The following UNC5D variants were observed in gnomAD, a reference collection of about 807,000 sequenced individuals.
UNC5D encodes netrin receptor UNC5D.
UNC5D carries 39 observed loss-of-function variants against 105.4 expected under a neutral mutation model. The ratio of observed to expected loss-of-function variants is 0.37; its 90% CI spans 0.29 to 0.48. UNC5D has a LOEUF of 0.48. Among genes scored for constraint, UNC5D ranks in the 20% least tolerant of loss-of-function variants. UNC5D has a pLI of 0.98. For missense variants in UNC5D, 991 were observed against 1,202.4 expected, an observed-to-expected ratio of 0.82 and a Z score of 2.60; for synonymous variants, 452 against 450.4, an observed-to-expected ratio of 1.00 and a Z score of -0.04.
intron 8 of UNC5D, among the ~76,000 whole-genome samples, chr8:35,717,845 T>C (rs1321065995): frequency 6.6e-6 from 1 of 152,222 alleles, no homozygotes; most frequent in Non-Finnish European, 1.5e-5. Context: ...CTTCTCTCCT[T>C]ATAACAACAT....
chr8:35,667,686 G>C (rs1824517789), intron 4 of UNC5D, among the ~76,000 whole-genome samples: 1 of 152,174 alleles, frequency 6.6e-6, no homozygotes, highest in Admixed American at 6.6e-5. Flanking sequence ...GTATTAATCT[G>C]TGTCTTTGAA....
At chr8:35,462,202 T>C (rs1287488885) in intron 1 of UNC5D, among the ~76,000 whole-genome samples, 2 of 152,192 alleles carry the variant, frequency 1.3e-5, no homozygotes, top group Non-Finnish European at 2.9e-5. Context: ...TCTAGCAAAT[T>C]TAGCAATCTC....
intron 1 of UNC5D, among the ~76,000 whole-genome samples, chr8:35,282,156 T>A (rs1806232865): frequency 6.6e-6 from 1 of 152,196 alleles, no homozygotes; most frequent in Non-Finnish European, 1.5e-5. Context: ...GTTTGTCTCT[T>A]TTTAAAATGC....
intron 3 of UNC5D, among the ~76,000 whole-genome samples, chr8:35,578,338 A>G (rs1241354028): frequency 6.6e-6 from 1 of 151,974 alleles, no homozygotes; most frequent in Non-Finnish European, 1.5e-5. Context: ...TAACCATAGG[A>G]AGGCATTACA....
chr8:35,424,080 A>G (rs1245511858), intron 1 of UNC5D, among the ~76,000 whole-genome samples: 2 of 152,120 alleles, frequency 1.3e-5, no homozygotes, highest in Admixed American at 6.5e-5. Flanking sequence ...GATTATATAC[A>G]TGAGCCACTG....
chr8:35,404,520 AG>A (rs1804676546), intron 1 of UNC5D, among the ~76,000 whole-genome samples: 8 of 152,194 alleles, frequency 5.3e-5, no homozygotes, highest in Admixed American at 2.6e-4. Flanking sequence ...ATTATTAGAA[AG>A]GGATATATTC....
intron 1 of UNC5D, among the ~76,000 whole-genome samples, chr8:35,364,556 T>C (rs781620309): frequency 2.6e-5 from 4 of 152,162 alleles, no homozygotes; most frequent in Admixed American, 6.6e-5. Context: ...TTGGAAACCA[T>C]GGTTGGGGAG....
At chr8:35,250,714 C>G (rs770500901) in intron 1 of UNC5D, among the ~76,000 whole-genome samples, 8 of 152,128 alleles carry the variant, frequency 5.3e-5, no homozygotes, top group Non-Finnish European at 1.2e-4. Flanking sequence ...CCAGACTGGT[C>G]TTGAACTCCT....
chr8:35,254,129 C>T (rs1803909616), intron 1 of UNC5D, among the ~76,000 whole-genome samples: 1 of 152,128 alleles, frequency 6.6e-6, no homozygotes, highest in African/African-American at 2.4e-5. Flanking sequence ...TTCTCTTTTG[C>T]TCCCAATTAT....
intron 1 of UNC5D, among the ~76,000 whole-genome samples, chr8:35,413,737 G>A (rs1360927561): frequency 6.6e-6 from 1 of 152,084 alleles, no homozygotes. Flanking sequence ...CTTCATAAAT[G>A]CCATGTACAA....
At chr8:35,271,740 T>TTTACATAGGCAC (rs1805406842) in intron 1 of UNC5D, among the ~76,000 whole-genome samples, 1 of 127,580 alleles carries the variant, frequency 7.8e-6, no homozygotes. Context: ...TATACATATA[T>TTTACATAGGCAC]ATTTATACAT....
rs950507941 is a variant in UNC5D at position 35,374,731 on chromosome 8, G to A, written c.103+138844G>A. Reference sequence around the variant, plus strand: ...TATAGCCAGGATCTTCATTGGTTCAGACCTTTTGTTAGGGAAGCAGAACTG... The same window carrying A: ...TATAGCCAGGATCTTCATTGGTTCAAACCTTTTGTTAGGGAAGCAGAACTG... On this transcript the variant is annotated intron_variant, in intron 1 of 16. Transcript: ENST00000404895. 5.9e-5 allele frequency among the ~76,000 whole-genome samples: 9 copies of A among 152,290 alleles called. No individual in the cohort carries two copies. The East Asian group carries it at 1.5e-3, about 26-fold the overall frequency.
intron 1 of UNC5D, among the ~76,000 whole-genome samples, chr8:35,504,960 A>T (rs1371150): frequency 0.16 from 23,900 of 152,196 alleles, 2,444 homozygotes; most frequent in East Asian, 0.27. Context: ...GCCACTGTTC[A>T]AGACGAGGTA....
intron 2 of UNC5D, among the ~76,000 whole-genome samples, chr8:35,557,881 C>T (rs540217295): frequency 1.3e-5 from 2 of 152,002 alleles, no homozygotes; most frequent in African/African-American, 4.8e-5. Flanking sequence ...CATGTAATCC[C>T]AGCACTTTGG....
chr8:35,712,377 A>G (rs1227207575), intron 8 of UNC5D, among the ~76,000 whole-genome samples: 2 of 152,216 alleles, frequency 1.3e-5, no homozygotes, highest in Non-Finnish European at 2.9e-5. Context: ...TGGCTCCATG[A>G]AACAAGAAAT....
At chr8:35,716,515 G>C (rs1434603457) in intron 8 of UNC5D, among the ~76,000 whole-genome samples, 3 of 152,196 alleles carry the variant, frequency 2.0e-5, no homozygotes, top group African/African-American at 7.2e-5. Flanking sequence ...ATGAGGCTTT[G>C]AGAAAGGCAA....
Position 35,643,172 on chromosome 8 carries a change from A to G in UNC5D, c.571-40375A>G, listed in dbSNP as rs568362749. ...CTGTGCATGGTAGATGTTTAGTGGG[A>G]TCCGTGGCCTCCACCCAATAGGCAC... On this transcript the variant is annotated intron_variant, in intron 4 of 16. Transcript: ENST00000404895. Among the ~76,000 whole-genome samples the G allele has an allele frequency of 3.3e-5, 5 of 152,214 alleles. No homozygotes were observed. The South Asian group carries it at 1.0e-3, about 32-fold the overall frequency.
intron 1 of UNC5D, among the ~76,000 whole-genome samples, chr8:35,541,056 G>C (rs1014390148): frequency 6.6e-6 from 1 of 152,156 alleles, no homozygotes; most frequent in African/African-American, 2.4e-5. Context: ...TGTTAGAATT[G>C]CTAAGGGACA....
Position 35,748,574 on chromosome 8 carries a change from G to A in UNC5D, c.1814G>A (p.Cys605Tyr), listed in dbSNP as rs1830113979. 1 of 1,614,020 alleles carries A rather than the reference G, an allele frequency of 6.2e-7. No individual in the cohort carries two copies. Among genetic ancestry groups the A allele is most frequent in the Admixed American group, 1.7e-5 (1 of 59,998 alleles). ...SEVLLSPEVT[C>Y]GPPDMIVTTP... ...GTGCTCCTGAGTCCTGAAGTCACCT[G>A]TGGTCCTCCAGACATGATCGTCACC... is the stretch of plus-strand genomic sequence containing the variant. Residue 605 changes from cysteine to tyrosine, a missense_variant, in exon 12 of 17, where the codon TGT becomes TAT. By Grantham distance (194) the Cys-to-Tyr change is radical (BLOSUM62 -2). Around this residue, in one of 3 missense-constraint regions of UNC5D, gnomAD observed 944 missense variants for 1,131.6 expected, o/e 0.83. Transcript: ENST00000404895.
Sources: gnomAD v4.1 joint callset for allele counts (sites outside exome capture counted in the v4.1 genomes callset) on GRCh38, gnomAD v4.1.1 for gene constraint, gnomAD v4.1.1 regional missense constraint, MANE v1.5 for transcripts, NCBI Gene and HGNC (gene_info 2026-07-23, HGNC 2026-07-21) for gene names.